The following ALOX12B variants were observed in gnomAD, a reference collection of about 807,000 sequenced individuals.
ALOX12B encodes the protein arachidonate 12-lipoxygenase, 12R type.
A neutral mutation model predicts 78.9 loss-of-function variants in ALOX12B; 47 were observed. The ratio of observed to expected loss-of-function variants is 0.60; its 90% CI spans 0.47 to 0.76. The LOEUF (loss-of-function observed/expected upper bound fraction) is 0.76, where lower values mean the gene tolerates loss of function less well. ALOX12B is among the 30% of genes least tolerant of loss of function. The pLI, the probability that ALOX12B is intolerant of heterozygous loss-of-function variation, is 0.00. For synonymous variants in ALOX12B, 370 were observed against 374.5 expected, an observed-to-expected ratio of 0.99 and a Z score of 0.14; for missense variants, 805 against 922.6, an observed-to-expected ratio of 0.87 and a Z score of 1.65.
rs577356619 is a variant in ALOX12B, at chr17:8,080,388, C to G, written c.651-50G>C. 2 of 1,602,318 alleles carry G rather than the reference C, an allele frequency of 1.2e-6. No individual in the cohort carries two copies. Among genetic ancestry groups the G allele is most frequent in the Admixed American group, 1.7e-5 (1 of 59,964 alleles). On this transcript the variant is annotated intron_variant, in intron 5 of 14. Coordinates refer to ENST00000647874, the MANE Select transcript of ALOX12B (RefSeq NM_001139.3). This position sits in a 1 kb window ranked among gnomAD's most constrained non-coding sequence, Gnocchi z 4.8. ...GGCCTTCAGAGGGGCTGCCAAGCGC[C>G]GGCTGGGGCAGGTGGCGGGGCCGCC...
chr17:8,080,002 A>G lies in ALOX12B; in HGVS notation c.755-61T>C. 6.3e-7 allele frequency: 1 copy of G among 1,578,636 alleles called. No individual in the cohort carries two copies. Among genetic ancestry groups the G allele is most frequent in the South Asian group, 1.1e-5 (1 of 87,716 alleles). ...CGGCCCCCCTCGGGGACGGAGAGGC[A>G]TGGGACAGAAGAAGACTATGGGCAC... is the stretch of plus-strand genomic sequence containing the variant. On this transcript the variant is annotated intron_variant, in intron 6 of 14. Transcript: ENST00000647874. This position sits in a 1 kb window ranked among gnomAD's most constrained non-coding sequence, Gnocchi z 4.8.
chr17:8,077,330 C>T, intron 8 of ALOX12B, 137 bp from the exon 9 acceptor site: 1 of 832,920 alleles, frequency 1.2e-6, no homozygotes, highest in Non-Finnish European at 1.9e-6. Context: ...GTCCCCTGAG[C>T]ACCCCTGGGC....
rs1009305436 is a variant in ALOX12B at position 8,082,374 on chromosome 17, C to T, written c.353-1187G>A. 2.6e-5 allele frequency among the ~76,000 whole-genome samples: 4 copies of T among 152,214 alleles called. No homozygotes were observed. The East Asian group carries it at 7.7e-4, about 29-fold the overall frequency. Reference sequence around the variant, plus strand: ...GTAAGCTGTGGAAAGTCACAAAAGGCCTCTGAGGAGGAAAGCGTTCTTATC... The same window carrying T: ...GTAAGCTGTGGAAAGTCACAAAAGGTCTCTGAGGAGGAAAGCGTTCTTATC... On this transcript the variant is annotated intron_variant, in intron 2 of 14. Transcript: ENST00000647874.
rs771828866 is a variant in ALOX12B, at chr17:8,086,126, G to C, written c.242C>G (p.Pro81Arg). The C allele has an allele frequency of 4.3e-6, 7 of 1,614,162 alleles. No individual in the cohort carries two copies. The South Asian group carries it at 7.7e-5, about 18-fold the overall frequency. The change falls in exon 2 of 15, where the codon CCT (proline) becomes CGT (arginine). Residue 81 changes from proline (P) to arginine (R), a missense_variant. Transcript: ENST00000647874. ...KERYAFFPKD[P>R]WYCNYVQICA... The stretch of plus-strand genomic sequence containing the variant: ...GATCTGCACATAGTTGCAGTACCAA[G>C]GGTCCTTGGGGAAGAAGGCGTACCG...
chr17:8,084,687 G>A (rs1054185695), intron 2 of ALOX12B, among the ~76,000 whole-genome samples: 1 of 152,220 alleles, frequency 6.6e-6, no homozygotes, highest in Non-Finnish European at 1.5e-5. Flanking sequence ...CCTGGGGGAA[G>A]ATTCCAGCAC....
rs1977185355 is a variant in ALOX12B at position 8,080,285 on chromosome 17, C to T, written c.704G>A (p.Arg235Lys). 1 of 1,614,142 alleles carries T rather than the reference C, an allele frequency of 6.2e-7. No homozygotes were observed. The highest frequency in any genetic ancestry group is 1.3e-5 in the African/African-American group (1 of 74,954). The change falls in exon 6 of 15, where the codon AGG becomes AAG. Residue 235 changes from arginine to lysine, a missense_variant. Transcript: ENST00000647874. The surrounding 1 kb of genome is among the most constrained non-coding windows in gnomAD (Gnocchi z 4.8). The part of the protein sequence containing the change: ...GLLDCKHSWK[R>K]LKDIRKIFPG... Reference sequence around the variant, plus strand: ...GAAAATTTTCCTAATGTCCTTCAGCCTCTTCCACGAATGTTTGCAGTCCAA... The same window carrying T: ...GAAAATTTTCCTAATGTCCTTCAGCTTCTTCCACGAATGTTTGCAGTCCAA...
At chr17:8,078,457 C>T (rs12942874) in intron 8 of ALOX12B, among the ~76,000 whole-genome samples, 3 of 151,092 alleles carry the variant, frequency 2.0e-5, no homozygotes, top group African/African-American at 2.4e-5. Flanking sequence ...GCCTAGAGAG[C>T]GGGCCTAGAG....
At chr17:8,083,492 C>T (rs150092819) in intron 2 of ALOX12B, among the ~76,000 whole-genome samples, 1,585 of 151,396 alleles carry the variant, frequency 0.01, 24 homozygotes, top group African/African-American at 0.036. Flanking sequence ...GCACTTTGGG[C>T]GGCCAAGGCA....
chr17:8,073,243 T>C lies in ALOX12B; in HGVS notation c.1831A>G (p.Thr611Ala). 3 of 1,613,922 alleles carry C rather than the reference T, an allele frequency of 1.9e-6. No individual in the cohort carries two copies. The highest frequency in any genetic ancestry group is 2.5e-6 in the Non-Finnish European group (3 of 1,179,982). ...AACGTGTCCATGAAGGTCTCCAGAG[T>C]GGTCAGCCCCTTAGTCTGAATCGGT... ...NPPIQTKGLT[T>A]LETFMDTLPD... is the part of the protein sequence containing the mutation. The change falls in exon 14 of 15, where the codon ACT (threonine) becomes GCT (alanine). Residue 611 changes from threonine to alanine, a missense_variant. Physicochemically the swap from Thr to Ala is moderately conservative, Grantham distance 58 (BLOSUM62 0). Coordinates refer to ENST00000647874, the MANE Select transcript of ALOX12B (RefSeq NM_001139.3).
chr17:8,075,053 T>C (rs1410876201), intron 12 of ALOX12B, among the ~76,000 whole-genome samples: 4 of 152,146 alleles, frequency 2.6e-5, no homozygotes, highest in Non-Finnish European at 5.9e-5. Flanking sequence ...CAACTTACTT[T>C]AGGGAAGTAC....
chr17:8,081,940 G>A (rs1452795752), intron 2 of ALOX12B, among the ~76,000 whole-genome samples: 2 of 152,176 alleles, frequency 1.3e-5, no homozygotes, highest in East Asian at 1.9e-4. Context: ...ACCACACCTG[G>A]CCCATGTGTA....
At chr17:8,076,069 C>T in intron 11 of ALOX12B, 106 bp downstream of exon 11, 1 of 1,478,874 alleles carries the variant, frequency 6.8e-7, no homozygotes, top group Admixed American at 1.7e-5. Context: ...GGCCAAGCCC[C>T]TGGATGACAC....
chr17:8,082,583 C>T (rs992124501), intron 2 of ALOX12B, among the ~76,000 whole-genome samples: 4 of 151,358 alleles, frequency 2.6e-5, no homozygotes, highest in African/African-American at 4.9e-5. Flanking sequence ...AAAGGAGATT[C>T]GTTTAAACCG....
chr17:8,087,243 C>CACACAG (rs1978303124), intron 1 of ALOX12B, 53 bp downstream of exon 1: 2 of 1,439,496 alleles, frequency 1.4e-6, no homozygotes, highest in Non-Finnish European at 1.9e-6. Flanking sequence ...CACAGACACA[C>CACACAG]ACACACACAC....
chr17:8,073,440 T>C (rs1977022852), intron 13 of ALOX12B, 122 bp from the exon 14 acceptor site: 1 of 1,222,748 alleles, frequency 8.2e-7, no homozygotes, highest in Admixed American at 1.9e-5. Context: ...GCGCTGAGGC[T>C]GGGCTGGGTT....
chr17:8,072,647 T>G lies in ALOX12B; in HGVS notation c.*124A>C. 13 of 1,371,570 alleles carry G rather than the reference T, an allele frequency of 9.5e-6. No homozygotes were observed. The highest frequency in any genetic ancestry group is 1.2e-5 in the South Asian group (1 of 83,188). 85.0% of individuals were successfully genotyped at this position (1,371,570 alleles called of 1,614,324 possible). ...CAGCCAGACCCAGGGAAAGGAAGGT[T>G]TTTTGTTTTTTTGTTTGTTTGGTGT... is the stretch of plus-strand genomic sequence containing the variant. On this transcript the variant is annotated 3_prime_UTR_variant, in exon 15 of 15. Coordinates refer to ENST00000647874, the MANE Select transcript of ALOX12B (RefSeq NM_001139.3).
At chr17:8,074,954 C>T (rs1465222963) in intron 12 of ALOX12B, among the ~76,000 whole-genome samples, 1 of 152,218 alleles carries the variant, frequency 6.6e-6, no homozygotes, top group African/African-American at 2.4e-5. Context: ...AGTTAGATTT[C>T]AGCTAGATCT....
At chr17:8,074,133 G>A (rs146574131) in intron 12 of ALOX12B, among the ~76,000 whole-genome samples, 1,586 of 152,128 alleles carry the variant, frequency 0.01, 18 homozygotes, top group Middle Eastern at 0.027. Context: ...TCAACCCAGC[G>A]CCCCCTCTCC....
At chr17:8,081,465 A>G (rs1977216643) in intron 2 of ALOX12B, 1 of 515,078 alleles carries the variant, frequency 1.9e-6, no homozygotes, top group Non-Finnish European at 3.6e-6. Flanking sequence ...TTTTATTTCT[A>G]TAAATTCATG....
Sources: gnomAD v4.1 joint callset for allele counts (sites outside exome capture counted in the v4.1 genomes callset) on GRCh38, gnomAD v4.1.1 for gene constraint, Gnocchi (gnomAD v3.1) non-coding constraint, MANE v1.5 for transcripts, NCBI Gene and HGNC (gene_info 2026-07-23, HGNC 2026-07-21) for gene names.